GALNTL6: variants seen among roughly 807,000 people sequenced by gnomAD.
GALNTL6 encodes the protein polypeptide N-acetylgalactosaminyltransferase like 6, also known as polypeptide N-acetylgalactosaminyltransferase-like 6.
Under a neutral mutation model 73.7 loss-of-function variants are expected in GALNTL6, and 46 were observed. The ratio of observed to expected loss-of-function variants is 0.62; its 90% CI spans 0.49 to 0.80. The LOEUF is 0.80. Ranked by LOEUF, GALNTL6 falls within the 30% of genes least tolerant of loss-of-function variation. The pLI is 0.00. For synonymous variants in GALNTL6, 259 were observed against 263.7 expected (o/e 0.98, Z 0.17); for missense variants, 604 against 755.0 (o/e 0.80, Z 2.34).
chr4:172,294,541 T>A (rs1468800617), intron 3 of GALNTL6, among the ~76,000 whole-genome samples: 1 of 152,076 alleles, frequency 6.6e-6, no homozygotes, highest in East Asian at 1.9e-4. Context: ...GGGAACTAAA[T>A]CAAGCACTTC....
intron 5 of GALNTL6, among the ~76,000 whole-genome samples, chr4:172,679,343 G>A (rs796387342): frequency 1.1e-4 from 17 of 151,860 alleles, no homozygotes; most frequent in African/African-American, 2.9e-4. Flanking sequence ...CCCTGGAGGC[G>A]GAGGTTGTAG....
At position 172,571,584 on chromosome 4, in the gene GALNTL6, A is replaced by G. The variant is rs1470807415; in HGVS notation, c.553+222895A>G. Among the ~76,000 whole-genome samples, 5 of 152,220 alleles carry G rather than the reference A, an allele frequency of 3.3e-5. No individual in the cohort carries two copies. The East Asian group carries it at 9.6e-4, about 29-fold the overall frequency. Reference sequence around the variant, plus strand: ...AGAGGAATAAGCCAGAATGAGCAGTATCTTCTTAGTATTTAAATCCCTTGG... The same window carrying G: ...AGAGGAATAAGCCAGAATGAGCAGTGTCTTCTTAGTATTTAAATCCCTTGG... On this transcript the variant is annotated intron_variant, in intron 5 of 12. Coordinates refer to ENST00000506823, the MANE Select transcript of GALNTL6 (RefSeq NM_001034845.3).
intron 2 of GALNTL6, among the ~76,000 whole-genome samples, chr4:172,184,918 A>T (rs897779428): frequency 5.3e-5 from 8 of 152,188 alleles, no homozygotes; most frequent in African/African-American, 1.9e-4. Context: ...TAATCCATTC[A>T]TTCCACCCTT....
At chr4:172,471,351 T>C (rs1473636292) in intron 5 of GALNTL6, among the ~76,000 whole-genome samples, 1 of 152,232 alleles carries the variant, frequency 6.6e-6, no homozygotes, top group African/African-American at 2.4e-5. Flanking sequence ...TTCTTTATTT[T>C]TACTGCAAAA....
intron 3 of GALNTL6, among the ~76,000 whole-genome samples, chr4:172,276,499 G>A (rs1738837458): frequency 6.6e-6 from 1 of 152,176 alleles, no homozygotes; most frequent in South Asian, 2.1e-4. Context: ...ATGATGCCAT[G>A]TTTCTAACCC....
intron 7 of GALNTL6, among the ~76,000 whole-genome samples, chr4:172,866,838 T>G (rs1343833476): frequency 6.6e-6 from 1 of 152,210 alleles, no homozygotes; most frequent in Non-Finnish European, 1.5e-5. Flanking sequence ...CACATTCCTG[T>G]CTGTAGTATG....
chr4:172,984,059 G>C (rs539841019), intron 10 of GALNTL6, among the ~76,000 whole-genome samples: 49 of 152,226 alleles, frequency 3.2e-4, no homozygotes, highest in African/African-American at 1.2e-3. Flanking sequence ...TGGGAGATGG[G>C]GAGAAAACTA....
In GALNTL6 at chr4:172,952,146, A is replaced by G. The variant is rs2126346365; in HGVS notation, c.1259A>G (p.Glu420Gly). The G allele has an allele frequency of 6.2e-7, 1 of 1,614,070 alleles. No individual in the cohort carries two copies. Among genetic ancestry groups the G allele is most frequent in the Non-Finnish European group, 8.5e-7 (1 of 1,179,976 alleles). Reference protein sequence around the residue: ...LSTGDISAQKELRKQLKCKDF... With the variant: ...LSTGDISAQKGLRKQLKCKDF... ...ACGGGGGACATCTCTGCCCAGAAGGAGCTGCGCAAGCAGCTCAAGTGCAAG... is the reference window on the plus strand; with the variant it reads ...ACGGGGGACATCTCTGCCCAGAAGGGGCTGCGCAAGCAGCTCAAGTGCAAG... The change falls in exon 10 of 13, where the codon GAG becomes GGG. Residue 420 changes from glutamate (E) to glycine (G), a missense_variant. This residue lies in a region of GALNTL6 where 261 missense variants were observed against 296.5 expected (regional missense o/e 0.88). Coordinates refer to ENST00000506823, the MANE Select transcript of GALNTL6 (RefSeq NM_001034845.3).
intron 6 of GALNTL6, among the ~76,000 whole-genome samples, chr4:172,813,124 T>G (rs1741405980): frequency 6.6e-6 from 1 of 152,162 alleles, no homozygotes; most frequent in African/African-American, 2.4e-5. Flanking sequence ...GTTAAATATT[T>G]ACTTTTTGGA....
chr4:172,008,495 C>A (rs967139603), intron 2 of GALNTL6, among the ~76,000 whole-genome samples: 1 of 151,818 alleles, frequency 6.6e-6, no homozygotes. Context: ...TTTTGCCTTG[C>A]CCCAACTCAG....
intron 5 of GALNTL6, chr4:172,668,823 A>G (rs1731813401): frequency 6.6e-6 from 1 of 152,114 alleles, no homozygotes; most frequent in Admixed American, 6.6e-5. Context: ...TAAAAATAAG[A>G]TGAGGGGAGT....
intron 5 of GALNTL6, among the ~76,000 whole-genome samples, chr4:172,471,270 A>G (rs1733038433): frequency 6.6e-6 from 1 of 152,172 alleles, no homozygotes; most frequent in Admixed American, 6.5e-5. Flanking sequence ...TTCAGTCCCA[A>G]TTCCAGAGTT....
chr4:172,995,663 G>A (rs1292441470), intron 10 of GALNTL6, among the ~76,000 whole-genome samples: 2 of 152,294 alleles, frequency 1.3e-5, no homozygotes, highest in Non-Finnish European at 2.9e-5. Context: ...CTCCTCTTGT[G>A]CACCCTTAAT....
chr4:171,986,113 C>T lies in GALNTL6; in HGVS notation c.138+171395C>T, dbSNP rs145892048. On this transcript the variant is annotated intron_variant, in intron 2 of 12. Transcript: ENST00000506823. ...TTGGCACATATGATAGTTTCACTCA[C>T]GTCCATGTGAAGAGACCACCAAACA... Among the ~76,000 whole-genome samples the T allele has an allele frequency of 3.7e-3, 556 of 151,504 alleles. 1 individual carries two copies. Among genetic ancestry groups the T allele is most frequent in the African/African-American group, 5.0e-3 (208 of 41,292 alleles).
chr4:172,656,030 G>A (rs1489512556), intron 5 of GALNTL6, among the ~76,000 whole-genome samples: 1 of 152,170 alleles, frequency 6.6e-6, no homozygotes, highest in Non-Finnish European at 1.5e-5. Flanking sequence ...TAATGCTATT[G>A]CATTGTCATT....
chr4:172,266,451 C>T (rs561664247), intron 3 of GALNTL6: 1 of 152,052 alleles, frequency 6.6e-6, no homozygotes, highest in African/African-American at 2.4e-5. Flanking sequence ...GTTGATTCTA[C>T]TTATATTTCA....
chr4:172,480,680 C>T (rs957610186), intron 5 of GALNTL6, among the ~76,000 whole-genome samples: 1 of 152,158 alleles, frequency 6.6e-6, no homozygotes, highest in South Asian at 2.1e-4. Flanking sequence ...TCATGAGTTT[C>T]TTGGTCAGCT....
chr4:172,196,016 T>TTC (rs927011313), intron 2 of GALNTL6, among the ~76,000 whole-genome samples: 5 of 148,674 alleles, frequency 3.4e-5, no homozygotes, highest in Non-Finnish European at 6.0e-5. Context: ...GTTTTTTTTT[T>TTC]TTTTTTTAAA....
At chr4:172,170,803 C>T (rs1394074205) in intron 2 of GALNTL6, among the ~76,000 whole-genome samples, 1 of 152,074 alleles carries the variant, frequency 6.6e-6, no homozygotes, top group Non-Finnish European at 1.5e-5. Context: ...CATGAGACAC[C>T]ACGCCCTGCT....
Sources: allele counts gnomAD v4.1 joint callset (sites outside exome capture counted in the v4.1 genomes callset), GRCh38; gene constraint gnomAD v4.1.1; regional missense constraint gnomAD v4.1.1; transcripts MANE v1.5; gene names NCBI Gene and HGNC (gene_info 2026-07-23, HGNC 2026-07-21).